Variants in NALCN observed in about 807,000 individuals in gnomAD.
The protein encoded by NALCN is sodium leak channel NALCN.
In NALCN, 111 loss-of-function variants were observed where a neutral mutation model predicts 225.3. The observed-to-expected ratio is 0.49, with a 90% confidence interval of 0.42 to 0.58. The LOEUF (loss-of-function observed/expected upper bound fraction) is 0.58. NALCN is among the 20% of genes least tolerant of loss of function. NALCN has a pLI of 0.00. For missense variants in NALCN, 1,378 were observed against 2,202.4 expected (o/e 0.63, Z 7.49); for synonymous variants, 764 against 769.0 (o/e 0.99, Z 0.11).
chr13:101,181,380 A>T (rs1472841893), intron 14 of NALCN: 1 of 510,296 alleles, frequency 2.0e-6, no homozygotes, highest in Non-Finnish European at 3.9e-6. Flanking sequence ...CTTTCTGCTA[A>T]ATTTTTCCTT....
At chr13:101,327,732 C>G (rs915285801) in intron 7 of NALCN, among the ~76,000 whole-genome samples, 1 of 151,874 alleles carries the variant, frequency 6.6e-6, no homozygotes, top group African/African-American at 2.4e-5. Context: ...TCTCACAAAT[C>G]TAGACAAAAT....
intron 13 of NALCN, among the ~76,000 whole-genome samples, chr13:101,194,153 G>A (rs2039796013): frequency 1.3e-5 from 2 of 152,270 alleles, no homozygotes; most frequent in South Asian, 2.1e-4. Context: ...AGCTGCTTGG[G>A]AACGTGGAGT....
intron 7 of NALCN, among the ~76,000 whole-genome samples, chr13:101,328,110 G>A (rs867243670): frequency 1.3e-5 from 2 of 152,206 alleles, no homozygotes; most frequent in South Asian, 4.1e-4. Flanking sequence ...TAAATACACA[G>A]CTACAGCATT....
chr13:101,079,943 T>A (rs2033516367), intron 34 of NALCN, among the ~76,000 whole-genome samples: 1 of 152,080 alleles, frequency 6.6e-6, no homozygotes, highest in African/African-American at 2.4e-5. Flanking sequence ...ACTAAGGGGA[T>A]GGGAGAATGG....
In NALCN at chr13:101,391,790, C is replaced by G. The variant is rs375157679; in HGVS notation, c.291+3393G>C. 6.0e-4 allele frequency among the ~76,000 whole-genome samples: 90 copies of G among 149,364 alleles called. 2 individuals carry two copies. In the South Asian group the frequency reaches 0.014, roughly 23 times the overall value. On this transcript the variant is annotated intron_variant, in intron 3 of 43. Coordinates refer to ENST00000251127, the MANE Select transcript of NALCN (RefSeq NM_052867.4). Reference sequence around the variant, plus strand: ...ACAAGGTCAGGAGATTGAGACCATCCTGGCCAACACAGTGAAACCGCATCT... The same window carrying G: ...ACAAGGTCAGGAGATTGAGACCATCGTGGCCAACACAGTGAAACCGCATCT...
At chr13:101,217,480 A>G (rs981973488) in intron 13 of NALCN, among the ~76,000 whole-genome samples, 5 of 152,194 alleles carry the variant, frequency 3.3e-5, no homozygotes, top group African/African-American at 1.2e-4. Context: ...ATTAAATTCT[A>G]TCAATATAGC....
intron 7 of NALCN, among the ~76,000 whole-genome samples, chr13:101,305,523 C>T (rs1298764992): frequency 6.6e-6 from 1 of 152,096 alleles, no homozygotes; most frequent in Non-Finnish European, 1.5e-5. Context: ...TATGTTTTGA[C>T]CTAGAATTCA....
intron 13 of NALCN, among the ~76,000 whole-genome samples, chr13:101,222,929 T>C (rs1157829948): frequency 1.3e-5 from 2 of 152,180 alleles, no homozygotes; most frequent in African/African-American, 4.8e-5. Flanking sequence ...TAGGGAACCA[T>C]GAGGCTGACT....
chr13:101,293,154 A>G (rs2043612805), intron 7 of NALCN, among the ~76,000 whole-genome samples: 1 of 152,202 alleles, frequency 6.6e-6, no homozygotes, highest in Admixed American at 6.5e-5. Context: ...ATAATAATTA[A>G]GGGAACTGGA....
Position 101,258,518 on chromosome 13 carries a change from G to A in NALCN, c.1191C>T (p.Asp397=), listed in dbSNP as rs1450096508. ...HMFILSMVTV[D]VIVAASNYYK... The stretch of plus-strand genomic sequence containing the variant: ...AGTAGTTGCTAGCCGCCACGATCAC[G>A]TCCACGGTCACCATGCTCAGGATGA... The change falls in exon 11 of 44, where the codon GAC becomes GAT. Residue 397 remains aspartate (D), a synonymous_variant. Coordinates refer to ENST00000251127, the MANE Select transcript of NALCN (RefSeq NM_052867.4). The A allele has an allele frequency of 4.3e-6, 7 of 1,614,124 alleles. No homozygotes were observed. Among genetic ancestry groups the A allele is most frequent in the Middle Eastern group, 3.3e-4 (2 of 6,062 alleles).
chr13:101,201,712 A>G (rs765207850), intron 13 of NALCN, among the ~76,000 whole-genome samples: 39 of 152,162 alleles, frequency 2.6e-4, no homozygotes, highest in Non-Finnish European at 5.1e-4. Flanking sequence ...TCATTTAAAA[A>G]TATATACACT....
At chr13:101,297,902 A>T (rs2043814864) in intron 7 of NALCN, among the ~76,000 whole-genome samples, 1 of 152,224 alleles carries the variant, frequency 6.6e-6, no homozygotes, top group Non-Finnish European at 1.5e-5. Flanking sequence ...CTGATCCTCC[A>T]GCTGACTCTG....
intron 17 of NALCN, among the ~76,000 whole-genome samples, chr13:101,136,100 G>T (rs112289761): frequency 6.6e-6 from 1 of 152,074 alleles, no homozygotes. Context: ...CTACTCTAAT[G>T]TTAGTTGAAT....
intron 7 of NALCN, among the ~76,000 whole-genome samples, chr13:101,328,226 C>T (rs1050163393): frequency 3.9e-5 from 6 of 152,320 alleles, no homozygotes; most frequent in Non-Finnish European, 7.3e-5. Flanking sequence ...TAGTTTCAAA[C>T]ATTTTATTCC....
intron 27 of NALCN, among the ~76,000 whole-genome samples, chr13:101,099,653 T>C (rs1180028168): frequency 3.3e-5 from 5 of 152,236 alleles, no homozygotes; most frequent in African/African-American, 1.2e-4. Flanking sequence ...TGTCTAATTA[T>C]TAACCAAACT....
chr13:101,082,681 A>C lies in NALCN; in HGVS notation c.3765+128T>G. 6.4e-6 allele frequency: 6 copies of C among 939,310 alleles called. No individual in the cohort carries two copies. In the Admixed American group the frequency reaches 1.2e-4, roughly 19 times the overall value. 58.2% of individuals were successfully genotyped at this position (939,310 alleles called of 1,614,324 possible). A position where few individuals can be genotyped will look rare whatever the true frequency, so the allele number is the denominator to read the frequency against. ...TTAAGCAGAACCGCTTAAGTAGGAA[A>C]TATCCTAAGGGCAAACTTCAAAGGC... On this transcript the variant is annotated intron_variant, in intron 33 of 43. Coordinates refer to ENST00000251127, the MANE Select transcript of NALCN (RefSeq NM_052867.4).
intron 10 of NALCN, among the ~76,000 whole-genome samples, chr13:101,276,255 G>A (rs757433358): frequency 6.6e-6 from 1 of 151,870 alleles, no homozygotes; most frequent in Non-Finnish European, 1.5e-5. Context: ...AATTTATTAG[G>A]AATTGCACAC....
chr13:101,143,040 G>A (rs774186506), intron 17 of NALCN, 40 bp downstream of exon 17: 22 of 1,613,314 alleles, frequency 1.4e-5, no homozygotes, highest in Non-Finnish European at 1.8e-5. Context: ...AAACATAGAT[G>A]CTTTTTAGAA....
intron 19 of NALCN, 48 bp from the exon 20 acceptor site, chr13:101,110,736 C>G (rs769756330): frequency 1.1e-5 from 17 of 1,584,382 alleles, no homozygotes; most frequent in Non-Finnish European, 1.3e-5. Context: ...ATCAAACTGG[C>G]CTTTCAAGCA....
Sources: allele counts gnomAD v4.1 joint callset (sites outside exome capture counted in the v4.1 genomes callset), GRCh38; gene constraint gnomAD v4.1.1; transcripts MANE v1.5; gene names NCBI Gene and HGNC (gene_info 2026-07-23, HGNC 2026-07-21).